The following STARD9 variants were observed in gnomAD, a reference collection of about 807,000 sequenced individuals.
STARD9 encodes the protein stAR-related lipid transfer protein 9.
STARD9 carries 346 observed loss-of-function variants against 399.8 expected under a neutral mutation model. That is an observed-to-expected ratio of 0.87 (90% CI 0.79 to 0.95). The LOEUF is 0.95. STARD9 is among the 40% of genes least tolerant of loss of function. The probability of loss-of-function intolerance (pLI) is 0.00; values close to 1 mark genes in which losing one functional copy is unlikely to be tolerated. For missense variants in STARD9, 5,832 were observed against 5,667.5 expected (o/e 1.03, Z -0.93); for synonymous variants, 2,203 against 2,143.5 (o/e 1.03, Z -0.77).
intron 2 of STARD9, among the ~76,000 whole-genome samples, chr15:42,585,210 A>G (rs2058251106): frequency 1.3e-5 from 2 of 152,212 alleles, no homozygotes; most frequent in South Asian, 4.1e-4. Context: ...AAGAAGGGAC[A>G]TTCAACCTGT....
At chr15:42,612,949 A>C (rs1283608768) in intron 3 of STARD9, among the ~76,000 whole-genome samples, 1 of 147,400 alleles carries the variant, frequency 6.8e-6, no homozygotes, top group Non-Finnish European at 1.5e-5. Context: ...CTGCCACTGC[A>C]TTCCAGCCTG....
At chr15:42,651,442 A>C (rs1344672011) in intron 8 of STARD9, among the ~76,000 whole-genome samples, 1 of 152,134 alleles carries the variant, frequency 6.6e-6, no homozygotes, top group East Asian at 1.9e-4. Flanking sequence ...ATATAGTGTA[A>C]AAGGTTCATA....
chr15:42,584,824 G>A (rs1042946192), intron 2 of STARD9, among the ~76,000 whole-genome samples: 10 of 152,108 alleles, frequency 6.6e-5, no homozygotes, highest in Non-Finnish European at 1.3e-4. Context: ...AACTACTCAC[G>A]TACTCCCAGT....
At chr15:42,713,705 G>A (rs1234730272) in intron 26 of STARD9, among the ~76,000 whole-genome samples, 1 of 152,072 alleles carries the variant, frequency 6.6e-6, no homozygotes, top group East Asian at 1.9e-4. Context: ...ATTTTTGTAT[G>A]TCGAGCCAGC....
intron 3 of STARD9, chr15:42,629,792 G>A (rs2059292785): frequency 6.6e-6 from 1 of 151,838 alleles, no homozygotes; most frequent in African/African-American, 2.4e-5. Flanking sequence ...TGTTCCTTGT[G>A]TACCCAGTTT....
intron 11 of STARD9, 58 bp downstream of exon 11, chr15:42,662,949 T>G (rs2060018757): frequency 7.8e-7 from 1 of 1,285,054 alleles, no homozygotes; most frequent in Admixed American, 2.0e-5. Flanking sequence ...ACTCATGTTT[T>G]CATTTTGTCG....
intron 1 of STARD9, among the ~76,000 whole-genome samples, chr15:42,578,509 T>C (rs1485217965): frequency 6.6e-6 from 1 of 152,224 alleles, no homozygotes; most frequent in East Asian, 1.9e-4. Context: ...ATGAAATTGC[T>C]GCCCTTTGTC....
In STARD9 at chr15:42,688,754, C is replaced by G; in HGVS notation, c.7176C>G (p.Pro2392=). Residue 2392 remains proline (P), a synonymous_variant, in exon 23 of 33, where the codon CCC becomes CCG. Coordinates refer to ENST00000290607, the MANE Select transcript of STARD9 (RefSeq NM_020759.3). Reference sequence around the variant, plus strand: ...GTACGGAGACCAGAAGCCACAGCCCCGAAGGAAATGTTAGAGGGCGTTCCT... The same window carrying G: ...GTACGGAGACCAGAAGCCACAGCCCGGAAGGAAATGTTAGAGGGCGTTCCT... The part of the protein sequence containing the change: ...DQSTETRSHS[P]EGNVRGRSSE... 1 of 1,537,626 alleles carries G rather than the reference C, an allele frequency of 6.5e-7. No homozygotes were observed. Among genetic ancestry groups the G allele is most frequent in the Non-Finnish European group, 8.7e-7 (1 of 1,147,012 alleles).
intron 3 of STARD9, among the ~76,000 whole-genome samples, chr15:42,608,481 C>T (rs988157848): frequency 2.6e-5 from 4 of 152,170 alleles, no homozygotes; most frequent in Admixed American, 6.5e-5. Flanking sequence ...AGATTGGTCT[C>T]TAGAGACCCA....
intron 26 of STARD9, among the ~76,000 whole-genome samples, chr15:42,714,484 A>G (rs1358441344): frequency 6.6e-6 from 1 of 152,090 alleles, no homozygotes; most frequent in African/African-American, 2.4e-5. Context: ...ATTTCTTTTC[A>G]TGGATGTTTT....
chr15:42,629,031 T>G (rs2059279229), intron 3 of STARD9, among the ~76,000 whole-genome samples: 1 of 152,158 alleles, frequency 6.6e-6, no homozygotes. Flanking sequence ...ATTTCTTTTT[T>G]TTCCCCAAGA....
At chr15:42,600,856 T>C (rs1328985122) in intron 3 of STARD9, among the ~76,000 whole-genome samples, 1 of 149,714 alleles carries the variant, frequency 6.7e-6, no homozygotes. Context: ...ATATCTGTTT[T>C]TCTTTCTTTT....
chr15:42,669,315 G>A lies in STARD9; in HGVS notation c.1475G>A (p.Gly492Asp). 1.3e-6 allele frequency: 2 copies of A among 1,526,742 alleles called. No individual in the cohort carries two copies. The highest frequency in any genetic ancestry group is 8.8e-7 in the Non-Finnish European group (1 of 1,138,254). 94.6% of individuals were successfully genotyped at this position (1,526,742 alleles called of 1,614,324 possible). The change falls in exon 16 of 33, where the codon GGT becomes GAT. Residue 492 changes from glycine (G) to aspartate (D), a missense_variant. Physicochemically the swap from Gly to Asp is moderately conservative, Grantham distance 94. This residue lies in a region of STARD9 where 5,828 missense variants were observed against 5,651.1 expected (regional missense o/e 1.03). Transcript: ENST00000290607. ...MALEDDVLST[G>D]VVLYHLKEGT... is the part of the protein sequence containing the mutation. The stretch of plus-strand genomic sequence containing the variant: ...TTGGAGGATGATGTGCTCAGCACAG[G>A]TGTTGTGCTCTATCATCTCAAGGTG...
At chr15:42,634,807 T>A in intron 3 of STARD9, 49 bp from the exon 4 acceptor site, 1 of 858,486 alleles carries the variant, frequency 1.2e-6, no homozygotes, top group Non-Finnish European at 1.8e-6. Context: ...CTAAATCTGC[T>A]ATGAGAAGAA....
rs1239728828 is a variant in STARD9, at chr15:42,682,474, T to G, written c.2436T>G (p.Pro812=). The change falls in exon 22 of 33, where the codon CCT becomes CCG. Residue 812 remains proline (P), a synonymous_variant. Transcript: ENST00000290607. ...TQEPPYQVLS[P]DATVPRPPCR... is the part of the protein sequence containing the mutation. ...AGCCCCCATACCAGGTCCTCAGCCC[T>G]GATGCCACAGTCCCACGGCCTCCAT... is the stretch of plus-strand genomic sequence containing the variant. 4 of 1,537,192 alleles carry G rather than the reference T, an allele frequency of 2.6e-6. No homozygotes were observed. In the Admixed American group the frequency reaches 7.8e-5, roughly 30 times the overall value.
chr15:42,668,201 A>T (rs1310770147), intron 15 of STARD9, among the ~76,000 whole-genome samples: 1 of 152,178 alleles, frequency 6.6e-6, no homozygotes. Context: ...CACCAATGCC[A>T]GGGGTCCCTA....
chr15:42,681,338 C>G, intron 20 of STARD9, 84 bp from the exon 21 acceptor site: 5 of 1,372,594 alleles, frequency 3.6e-6, no homozygotes, highest in Non-Finnish European at 4.8e-6. Context: ...CAGGGGCTCT[C>G]TTGGAAGGCC....
intron 4 of STARD9, among the ~76,000 whole-genome samples, chr15:42,636,654 A>G (rs1179735463): frequency 6.6e-6 from 1 of 152,224 alleles, no homozygotes. Flanking sequence ...AATAAACACT[A>G]CACAGGGACA....
chr15:42,605,969 T>G (rs1253846738), intron 3 of STARD9, among the ~76,000 whole-genome samples: 1 of 152,248 alleles, frequency 6.6e-6, no homozygotes. Flanking sequence ...TACAAACAAC[T>G]TCCTCTTTCC....
Sources: allele counts gnomAD v4.1 joint callset (sites outside exome capture counted in the v4.1 genomes callset), GRCh38; gene constraint gnomAD v4.1.1; regional missense constraint gnomAD v4.1.1; transcripts MANE v1.5; gene names NCBI Gene and HGNC (gene_info 2026-07-23, HGNC 2026-07-21).